PTPRF: variants seen among roughly 807,000 people sequenced by gnomAD.
PTPRF encodes the protein receptor-type tyrosine-protein phosphatase F.
Under a neutral mutation model 201.8 loss-of-function variants are expected in PTPRF, and 59 were observed. The observed-to-expected ratio is 0.29, with a 90% confidence interval of 0.24 to 0.36. The LOEUF is 0.36. Ranked by LOEUF, PTPRF falls within the 10% of genes least tolerant of loss-of-function variation. The probability of loss-of-function intolerance (pLI) is 1.00; values close to 1 mark genes in which losing one functional copy is unlikely to be tolerated. For synonymous variants in PTPRF, 1,088 were observed against 1,089.7 expected (o/e 1.00, Z 0.03); for missense variants, 2,132 against 2,690.5 (o/e 0.79, Z 4.59).
At chr1:43,586,902 C>T (rs1177090097) in intron 7 of PTPRF, among the ~76,000 whole-genome samples, 2 of 152,212 alleles carry the variant, frequency 1.3e-5, no homozygotes, top group Admixed American at 6.5e-5. Context: ...CTGGGTCACA[C>T]ACCCCATGTA....
intron 3 of PTPRF, among the ~76,000 whole-genome samples, chr1:43,551,480 T>C (rs1645035049): frequency 6.6e-6 from 1 of 152,104 alleles, no homozygotes; most frequent in African/African-American, 2.4e-5. Flanking sequence ...TGGTGTCTTC[T>C]TGTCTTTCTG....
At chr1:43,544,950 G>A (rs1364379076) in intron 2 of PTPRF, 81 bp from the exon 3 acceptor site, 1 of 801,474 alleles carries the variant, frequency 1.2e-6, no homozygotes, top group Non-Finnish European at 1.9e-6. Context: ...AGGATGACTG[G>A]GGGTCAGAAA....
In PTPRF at chr1:43,554,165, C is replaced by G. The variant is rs945253414; in HGVS notation, c.379+224C>G. Among the ~76,000 whole-genome samples the G allele has an allele frequency of 6.6e-6, 1 of 152,206 alleles. No homozygotes were observed. Among genetic ancestry groups the G allele is most frequent in the African/African-American group, 2.4e-5 (1 of 41,450 alleles). ...ATGTGGGGCATGATGCCTTTGTATT[C>G]TCCTGCTGAGCCGGGTCGTTGGTTG... On this transcript the variant is annotated intron_variant, in intron 5 of 33. Transcript: ENST00000359947. The surrounding 1 kb of genome is among the most constrained non-coding windows in gnomAD (Gnocchi z 4.1).
At chr1:43,604,288 G>C in intron 16 of PTPRF, 99 bp downstream of exon 16, 1 of 1,275,968 alleles carries the variant, frequency 7.8e-7, no homozygotes, top group South Asian at 1.4e-5. Context: ...TGATCCACCA[G>C]CCTCTGGTGT....
At chr1:43,527,526 A>G (rs537779316), upstream of PTPRF, among the ~76,000 whole-genome samples, 1 of 152,340 alleles carries the variant, frequency 6.6e-6, no homozygotes, top group African/African-American at 2.4e-5. Flanking sequence ...CCCTGCCTCG[A>G]CAAACACTTT....
rs1346641747 is a variant in PTPRF, at chr1:43,603,178, A to G, written c.2341-238A>G. 6.6e-6 allele frequency among the ~76,000 whole-genome samples: 1 copy of G among 152,174 alleles called. No homozygotes were observed. Among genetic ancestry groups the G allele is most frequent in the African/African-American group, 2.4e-5 (1 of 41,440 alleles). On this transcript the variant is annotated intron_variant, in intron 14 of 33. Coordinates refer to ENST00000359947, the MANE Select transcript of PTPRF (RefSeq NM_002840.5). The surrounding 1 kb of genome is among the most constrained non-coding windows in gnomAD (Gnocchi z 5.8). ...GGCCCTTTGTTCTTGTCTGAAAAGA[A>G]TAATGAGCTGTCTGCCCCAGGCGTG...
At position 43,603,302 on chromosome 1, in the gene PTPRF, C is replaced by T. The variant is rs987420043; in HGVS notation, c.2341-114C>T. 8 of 906,334 alleles carry T rather than the reference C, an allele frequency of 8.8e-6. No individual in the cohort carries two copies. Among genetic ancestry groups the T allele is most frequent in the East Asian group, 2.5e-5 (1 of 40,394 alleles). The allele number at this position is 906,334 out of a possible 1,614,324, so 56.1% of individuals were successfully genotyped here. ...ATTGTATAGCCCCACCTTCCACAAC[C>T]CCTGGCCTTGTGTGCCCCGGGGCTC... On this transcript the variant is annotated intron_variant, in intron 14 of 33. Transcript: ENST00000359947. This position sits in a 1 kb window ranked among gnomAD's most constrained non-coding sequence, Gnocchi z 5.8.
chr1:43,597,824 G>A lies in PTPRF; in HGVS notation c.1890G>A (p.Pro630=), dbSNP rs766615305. ...STTVRVSWVP[P]PADSRNGVIT... is the part of the protein sequence containing the mutation. ...CGGTCCGGGTAAGTTGGGTCCCGCC[G>A]CCTGCCGACAGCCGCAACGGCGTTA... Residue 630 remains proline (P), a synonymous_variant, in exon 12 of 34, where the codon CCG becomes CCA. Transcript: ENST00000359947. The A allele has an allele frequency of 7.8e-5, 126 of 1,605,730 alleles. No individual in the cohort carries two copies. Among genetic ancestry groups the A allele is most frequent in the Non-Finnish European group, 1.0e-4 (122 of 1,176,934 alleles).
In PTPRF at chr1:43,542,852, T is replaced by C. The variant is rs997055470; in HGVS notation, c.-45-2179T>C. On this transcript the variant is annotated intron_variant, in intron 2 of 33. Transcript: ENST00000359947. This position sits in a 1 kb window ranked among gnomAD's most constrained non-coding sequence, Gnocchi z 5.2. ...CAGGGGATTAAGCCTCTGCTCATTGTACTGGGGAGCTATATCCCATGATGA... is the reference window on the plus strand; with the variant it reads ...CAGGGGATTAAGCCTCTGCTCATTGCACTGGGGAGCTATATCCCATGATGA... Among the ~76,000 whole-genome samples the C allele has an allele frequency of 6.6e-6, 1 of 152,184 alleles. No homozygotes were observed. Among genetic ancestry groups the C allele is most frequent in the African/African-American group, 2.4e-5 (1 of 41,442 alleles).
Position 43,619,375 on chromosome 1 carries a change from C to T in PTPRF, c.4734C>T (p.Gly1578=). The change falls in exon 28 of 34, where the codon GGC becomes GGT. Residue 1578 remains glycine, a synonymous_variant. Coordinates refer to ENST00000359947, the MANE Select transcript of PTPRF (RefSeq NM_002840.5). ...ACGAGAAGACGGTGGACATCTATGG[C>T]CACGTGACCTGCATGCGATCACAGA... ...MKHEKTVDIY[G]HVTCMRSQRN... 1 of 1,614,082 alleles carries T rather than the reference C, an allele frequency of 6.2e-7. No homozygotes were observed. Among genetic ancestry groups the T allele is most frequent in the Non-Finnish European group, 8.5e-7 (1 of 1,180,024 alleles).
Position 43,592,475 on chromosome 1 carries a change from C to A in PTPRF, c.1687C>A (p.Pro563Thr). The change falls in exon 11 of 34, where the codon CCA becomes ACA. Residue 563 changes from proline (P) to threonine (T), a missense_variant. Around this residue, in one of 6 missense-constraint regions of PTPRF, gnomAD observed 351 missense variants for 401.7 expected, o/e 0.87. Transcript: ENST00000359947. Reference sequence around the variant, plus strand: ...TTCCCAGCACAAGGTGACCTTCGACCCAACCTCCTCCTACACACTAGAGGA... The same window carrying A: ...TTCCCAGCACAAGGTGACCTTCGACACAACCTCCTCCTACACACTAGAGGA... Reference protein sequence around the residue: ...EDQQHKVTFDPTSSYTLEDLK... With the variant: ...EDQQHKVTFDTTSSYTLEDLK... 1 of 1,611,154 alleles carries A rather than the reference C, an allele frequency of 6.2e-7. No homozygotes were observed. Among genetic ancestry groups the A allele is most frequent in the Non-Finnish European group, 8.5e-7 (1 of 1,178,758 alleles).
Position 43,598,893 on chromosome 1 carries a change from G to C in PTPRF, c.2293G>C (p.Val765Leu). 1 of 1,613,862 alleles carries C rather than the reference G, an allele frequency of 6.2e-7. No individual in the cohort carries two copies. The highest frequency in any genetic ancestry group is 8.5e-7 in the Non-Finnish European group (1 of 1,179,912). Residue 765 changes from valine to leucine, a missense_variant, in exon 13 of 34, where the codon GTC (valine) becomes CTC (leucine). Around this residue, in one of 6 missense-constraint regions of PTPRF, gnomAD observed 818 missense variants for 915.3 expected, o/e 0.89. Coordinates refer to ENST00000359947, the MANE Select transcript of PTPRF (RefSeq NM_002840.5). Reference protein sequence around the residue: ...EPRGLPIIQDVMLAEAQWRPE... With the variant: ...EPRGLPIIQDLMLAEAQWRPE... ...CCGTGGACTCCCCATCATCCAAGAC[G>C]TCATGCTAGCCGAGGCCCAGGTGCA... is the stretch of plus-strand genomic sequence containing the variant.
rs1321546610 is a variant in PTPRF at position 43,597,968 on chromosome 1, G to A, written c.2034G>A (p.Thr678=). The change falls in exon 12 of 34, where the codon ACG becomes ACA. Residue 678 remains threonine (T), a synonymous_variant. Transcript: ENST00000359947. ...ACCTGGTGGGCCTGGAGAAGTGGAC[G>A]GAGTACCGGGTGTGGGTGCGGGCAC... ...SWDLVGLEKW[T]EYRVWVRAHT... The A allele has an allele frequency of 1.7e-5, 26 of 1,556,942 alleles. No individual in the cohort carries two copies. The highest frequency in any genetic ancestry group is 1.7e-4 in the Middle Eastern group (1 of 6,006).
intron 9 of PTPRF, 71 bp from the exon 10 acceptor site, chr1:43,591,741 G>A (rs908817836): frequency 1.0e-5 from 16 of 1,580,504 alleles, no homozygotes; most frequent in Admixed American, 3.5e-5. Flanking sequence ...TGACTTCCTC[G>A]GCTCCCTCCT....
At chr1:43,548,556 A>G (rs747506592) in intron 3 of PTPRF, among the ~76,000 whole-genome samples, 2 of 152,070 alleles carry the variant, frequency 1.3e-5, no homozygotes, top group Non-Finnish European at 2.9e-5. Flanking sequence ...CTATTGCACA[A>G]TGGGGATAAT....
At position 43,619,324 on chromosome 1, in the gene PTPRF, T is replaced by C. The variant is rs768163494; in HGVS notation, c.4683T>C (p.Ile1561=). ...GVGRTGCFIV[I]DAMLERMKHE... is the part of the protein sequence containing the mutation. ...GCCGCACCGGCTGCTTCATCGTGAT[T>C]GATGCCATGTTGGAGCGGATGAAGC... The change falls in exon 28 of 34, where the codon ATT becomes ATC. Residue 1561 remains isoleucine, a synonymous_variant. Coordinates refer to ENST00000359947, the MANE Select transcript of PTPRF (RefSeq NM_002840.5). The C allele has an allele frequency of 6.2e-7, 1 of 1,613,764 alleles. No individual in the cohort carries two copies. Among genetic ancestry groups the C allele is most frequent in the South Asian group, 1.1e-5 (1 of 91,084 alleles).
In PTPRF at chr1:43,547,946, G is replaced by A. The variant is rs193223803; in HGVS notation, c.91+2780G>A. On this transcript the variant is annotated intron_variant, in intron 3 of 33. Coordinates refer to ENST00000359947, the MANE Select transcript of PTPRF (RefSeq NM_002840.5). Reference sequence around the variant, plus strand: ...TTTGCTGATCTCAAGTGCGTGTCGCGTGCCTGTCTTCAGGCAAGACCTGCA... The same window carrying A: ...TTTGCTGATCTCAAGTGCGTGTCGCATGCCTGTCTTCAGGCAAGACCTGCA... Among the ~76,000 whole-genome samples the A allele has an allele frequency of 2.8e-3, 429 of 152,278 alleles. 3 individuals are homozygous for A. Among genetic ancestry groups the A allele is most frequent in the African/African-American group, 0.01 (417 of 41,542 alleles).
intron 3 of PTPRF, among the ~76,000 whole-genome samples, chr1:43,548,145 G>C (rs1356649639): frequency 8.4e-5 from 12 of 142,386 alleles, no homozygotes; most frequent in African/African-American, 3.0e-4. Flanking sequence ...AATGAGGTGG[G>C]GTTGCGGGGA....
upstream of PTPRF, among the ~76,000 whole-genome samples, chr1:43,530,562 C>T (rs973822621): frequency 1.3e-5 from 2 of 152,080 alleles, no homozygotes; most frequent in African/African-American, 4.8e-5. The surrounding 1 kb of genome is among the most constrained non-coding windows in gnomAD (Gnocchi z 4.1). Flanking sequence ...GGCTCAGTAT[C>T]AGGTTCAGAT....
Sources: gnomAD v4.1 joint callset for allele counts (sites outside exome capture counted in the v4.1 genomes callset) on GRCh38, gnomAD v4.1.1 for gene constraint, gnomAD v4.1.1 regional missense constraint, Gnocchi (gnomAD v3.1) non-coding constraint, MANE v1.5 for transcripts, NCBI Gene and HGNC (gene_info 2026-07-23, HGNC 2026-07-21) for gene names.